FIP1L1: variants seen among roughly 807,000 people sequenced by gnomAD.
FIP1L1 encodes factor interacting with PAPOLA and CPSF1.
A neutral mutation model predicts 84.6 loss-of-function variants in FIP1L1; 21 were observed. The observed-to-expected ratio is 0.25, with a 90% CI of 0.18 to 0.36. The LOEUF is 0.36. FIP1L1 is among the 10% of genes least tolerant of loss of function. The pLI, the probability that FIP1L1 is intolerant of heterozygous loss-of-function variation, is 1.00. For missense variants in FIP1L1, 526 were observed against 751.1 expected, an observed-to-expected ratio of 0.70 and a Z score of 3.50; for synonymous variants, 263 against 242.3, an observed-to-expected ratio of 1.09 and a Z score of -0.80.
chr4:53,441,203 TA>T, intron 13 of FIP1L1, among the ~76,000 whole-genome samples: 2 of 152,056 alleles, frequency 1.3e-5, no homozygotes, highest in Middle Eastern at 6.8e-3. Flanking sequence ...TTTCTTTTTA[TA>T]GTGTGATATC....
At chr4:53,448,714 G>A (rs867221853) in intron 15 of FIP1L1, among the ~76,000 whole-genome samples, 21 of 152,188 alleles carry the variant, frequency 1.4e-4, no homozygotes, top group Non-Finnish European at 2.2e-4. Flanking sequence ...TATTGCAATT[G>A]CACTGATGCT....
chr4:53,420,465 A>C (rs1401805821), intron 11 of FIP1L1, among the ~76,000 whole-genome samples: 2 of 149,668 alleles, frequency 1.3e-5, no homozygotes, highest in Non-Finnish European at 3.0e-5. Flanking sequence ...TCAGACACTC[A>C]GTGAGTGTCG....
chr4:53,444,424 A>C (rs1560575775), intron 15 of FIP1L1, among the ~76,000 whole-genome samples: 1 of 152,154 alleles, frequency 6.6e-6, no homozygotes, highest in Non-Finnish European at 1.5e-5. Flanking sequence ...CACTTATGGC[A>C]CACACCTAAC....
At chr4:53,386,037 A>ATTT (rs1163195461) in intron 5 of FIP1L1, among the ~76,000 whole-genome samples, 8 of 139,464 alleles carry the variant, frequency 5.7e-5, no homozygotes, top group African/African-American at 1.8e-4. Context: ...ACAAAATAGC[A>ATTT]TTTTTTTTTT....
intron 10 of FIP1L1, among the ~76,000 whole-genome samples, chr4:53,408,467 T>C (rs1428734078): frequency 6.6e-6 from 1 of 152,224 alleles, no homozygotes; most frequent in Non-Finnish European, 1.5e-5. Context: ...CTGACGATTA[T>C]GTGTCTTGGA....
chr4:53,394,162 T>G (rs1560499373), intron 9 of FIP1L1, among the ~76,000 whole-genome samples: 1 of 152,220 alleles, frequency 6.6e-6, no homozygotes, highest in South Asian at 2.1e-4. Context: ...AATATCTTTT[T>G]CCCTCCTCTC....
At chr4:53,404,937 AT>A (rs1319567860) in intron 10 of FIP1L1, among the ~76,000 whole-genome samples, 1 of 150,302 alleles carries the variant, frequency 6.7e-6, no homozygotes, top group Non-Finnish European at 1.5e-5. Flanking sequence ...GGTTGCGAAA[AT>A]TTTCTCCCAT....
At chr4:53,403,623 G>C (rs991218780) in intron 10 of FIP1L1, among the ~76,000 whole-genome samples, 1 of 152,190 alleles carries the variant, frequency 6.6e-6, no homozygotes, top group Non-Finnish European at 1.5e-5. Context: ...TAAGATGCTT[G>C]AAAAAGTGGT....
chr4:53,458,871 A>G (rs1720911057), intron 17 of FIP1L1, 81 bp downstream of exon 17: 14 of 1,475,802 alleles, frequency 9.5e-6, no homozygotes, highest in Non-Finnish European at 1.3e-5. Context: ...AAGAGGGGAA[A>G]TTTTGGCCTA....
chr4:53,454,743 C>G (rs1215769669), intron 16 of FIP1L1, among the ~76,000 whole-genome samples: 1 of 152,126 alleles, frequency 6.6e-6, no homozygotes, highest in Non-Finnish European at 1.5e-5. Context: ...TTAAAAACAC[C>G]AGCTACATTA....
chr4:53,431,627 TG>T (rs3067114), intron 13 of FIP1L1, among the ~76,000 whole-genome samples: 148,712 of 152,120 alleles, frequency 0.98, 72,787 homozygotes, highest in Middle Eastern at 1. Flanking sequence ...TGTTTTGTTT[TG>T]TTTTCAAATA....
chr4:53,417,763 ACTCTCTCTCTCTCT>A (rs58568620), intron 11 of FIP1L1, among the ~76,000 whole-genome samples: 4,183 of 104,966 alleles, frequency 0.04, 175 homozygotes, highest in East Asian at 0.067. Flanking sequence ...ACACACACAC[ACTCTCTCTCTCTCT>A]CTCTCTCTCT....
At chr4:53,389,745 A>C in intron 5 of FIP1L1, 64 bp from the exon 6 acceptor site, 1 of 1,212,736 alleles carries the variant, frequency 8.2e-7, no homozygotes. Flanking sequence ...CAAATGGAAT[A>C]TATTACTGTT....
chr4:53,395,086 T>G (rs1420841912), intron 9 of FIP1L1, among the ~76,000 whole-genome samples: 1 of 152,232 alleles, frequency 6.6e-6, no homozygotes, highest in African/African-American at 2.4e-5. Flanking sequence ...TAATGTCTTA[T>G]GGTCATTTCT....
At chr4:53,426,108 T>C in intron 12 of FIP1L1, 143 bp downstream of exon 12, 1 of 481,022 alleles carries the variant, frequency 2.1e-6, no homozygotes. Context: ...CAGTCATTTA[T>C]TATAAAGGCA....
At chr4:53,451,754 C>T (rs780643004) in intron 15 of FIP1L1, among the ~76,000 whole-genome samples, 2 of 152,006 alleles carry the variant, frequency 1.3e-5, no homozygotes, top group African/African-American at 4.8e-5. Context: ...AAAAAAAACT[C>T]TGCTATTGAA....
intron 15 of FIP1L1, among the ~76,000 whole-genome samples, chr4:53,450,634 C>T (rs1775984233): frequency 6.6e-6 from 1 of 152,138 alleles, no homozygotes; most frequent in Non-Finnish European, 1.5e-5. Flanking sequence ...GCAGTGAGCA[C>T]TGTTCTGTAG....
chr4:53,443,185 C>T (rs763155186), intron 14 of FIP1L1, among the ~76,000 whole-genome samples: 11 of 151,960 alleles, frequency 7.2e-5, no homozygotes, highest in Non-Finnish European at 1.3e-4. Context: ...TTTTTTGTAC[C>T]GTGTATTTAA....
chr4:53,433,682 C>G (rs1333069005), intron 13 of FIP1L1, among the ~76,000 whole-genome samples: 52 of 152,112 alleles, frequency 3.4e-4, no homozygotes, highest in Admixed American at 3.4e-3. Context: ...GAAGAAGGGT[C>G]TTTGCTTTAC....
Sources: gnomAD v4.1 joint callset for allele counts (sites outside exome capture counted in the v4.1 genomes callset) on GRCh38, gnomAD v4.1.1 for gene constraint, MANE v1.5 for transcripts, NCBI Gene and HGNC (gene_info 2026-07-23, HGNC 2026-07-21) for gene names.